WDPCP: variants seen among roughly 807,000 people sequenced by gnomAD.
WDPCP encodes the protein WD repeat-containing and planar cell polarity effector protein fritz homolog.
A neutral mutation model predicts 93.1 loss-of-function variants in WDPCP; 71 were observed. The observed-to-expected ratio is 0.76, with a 90% CI of 0.63 to 0.93. WDPCP has a LOEUF of 0.93. WDPCP is among the 40% of genes least tolerant of loss of function. The pLI is 0.00. For missense variants in WDPCP, 844 were observed against 887.4 expected (o/e 0.95, Z 0.62); for synonymous variants, 315 against 315.0 (o/e 1.00, Z 0.00).
At chr2:63,161,262 A>G (rs1238148757) in intron 15 of WDPCP, among the ~76,000 whole-genome samples, 1 of 152,218 alleles carries the variant, frequency 6.6e-6, no homozygotes, top group Non-Finnish European at 1.5e-5. Context: ...AGACAAAAGC[A>G]TCTATTATTT....
At chr2:63,642,934 TAGTATG>T (rs1350728558) in intron 3 of WDPCP, 1 of 152,216 alleles carries the variant, frequency 6.6e-6, no homozygotes, top group African/African-American at 2.4e-5. Context: ...TTTCCCCATT[TAGTATG>T]ATACTAGCTG....
chr2:63,343,649 C>T (rs1689002430), intron 12 of WDPCP, among the ~76,000 whole-genome samples: 1 of 152,010 alleles, frequency 6.6e-6, no homozygotes, highest in Non-Finnish European at 1.5e-5. Context: ...TTCTAGGGCT[C>T]CCATAATATA....
intron 2 of WDPCP, among the ~76,000 whole-genome samples, chr2:63,668,544 T>C (rs527291347): frequency 6.6e-6 from 1 of 152,268 alleles, no homozygotes; most frequent in Non-Finnish European, 1.5e-5. Context: ...TGACCAAAAG[T>C]GTGAAATTAT....
At chr2:63,152,295 C>T (rs1489704089) in intron 17 of WDPCP, among the ~76,000 whole-genome samples, 1 of 145,886 alleles carries the variant, frequency 6.9e-6, no homozygotes. Context: ...TTTTCTGTGA[C>T]ACAGAGTCTT....
intron 17 of WDPCP, among the ~76,000 whole-genome samples, chr2:63,142,267 G>A (rs1358067824): frequency 2.0e-5 from 3 of 152,082 alleles, no homozygotes; most frequent in Non-Finnish European, 4.4e-5. Context: ...TGATGTAGGT[G>A]CTTAGGGCTA....
intron 13 of WDPCP, among the ~76,000 whole-genome samples, chr2:63,294,893 G>A (rs1684726936): frequency 6.6e-6 from 1 of 151,990 alleles, no homozygotes; most frequent in South Asian, 2.1e-4. Flanking sequence ...TGTAACTTTG[G>A]TTGGTAATAC....
chr2:63,202,365 T>C (rs1217099009), intron 14 of WDPCP, among the ~76,000 whole-genome samples: 1 of 152,116 alleles, frequency 6.6e-6, no homozygotes, highest in Non-Finnish European at 1.5e-5. Flanking sequence ...TGAAGTTTCA[T>C]TTGTTGCCTA....
intron 14 of WDPCP, among the ~76,000 whole-genome samples, chr2:63,192,263 T>C (rs1299329791): frequency 6.6e-6 from 1 of 152,186 alleles, no homozygotes; most frequent in Non-Finnish European, 1.5e-5. Context: ...ATTTAATCTC[T>C]CTGAGCTTCT....
intron 2 of WDPCP, among the ~76,000 whole-genome samples, chr2:63,688,363 C>T (rs1225959935): frequency 6.6e-6 from 1 of 151,522 alleles, no homozygotes; most frequent in Non-Finnish European, 1.5e-5. Context: ...GGAGGCGGAG[C>T]TCGCAGTGAG....
intron 3 of WDPCP, among the ~76,000 whole-genome samples, chr2:63,637,457 ACAAT>A (rs1325523637): frequency 6.6e-6 from 1 of 151,960 alleles, no homozygotes; most frequent in Non-Finnish European, 1.5e-5. Context: ...AGCAAACTAA[ACAAT>A]CAACAAAATG....
At chr2:63,533,839 A>C (rs1437404113) in intron 1 of WDPCP, among the ~76,000 whole-genome samples, 2 of 152,190 alleles carry the variant, frequency 1.3e-5, no homozygotes, top group East Asian at 3.8e-4. Context: ...AGCTAGCAGA[A>C]GGCAAGAAAT....
chr2:63,596,938 T>C (rs1432272892), intron 3 of WDPCP, among the ~76,000 whole-genome samples: 1 of 152,228 alleles, frequency 6.6e-6, no homozygotes, highest in Non-Finnish European at 1.5e-5. Flanking sequence ...TTGATAGTAA[T>C]ATAAATCTCT....
chr2:63,344,673 C>T (rs1949411), intron 12 of WDPCP, among the ~76,000 whole-genome samples: 26,259 of 152,154 alleles, frequency 0.17, 2,390 homozygotes, highest in Middle Eastern at 0.24. Flanking sequence ...TTTTCTCAGA[C>T]ATATAGGTAT....
At chr2:63,405,298 T>C (rs11125968) in intron 9 of WDPCP, among the ~76,000 whole-genome samples, 41,107 of 151,976 alleles carry the variant, frequency 0.27, 6,309 homozygotes, top group East Asian at 0.65. Context: ...TAGAAAGAAA[T>C]AATGTAATGT....
chr2:63,684,215 G>T (rs1405599106), intron 2 of WDPCP: 1 of 390,130 alleles, frequency 2.6e-6, no homozygotes, highest in East Asian at 5.7e-5. Context: ...TAGGCCATAT[G>T]TTAGGTCACA....
chr2:63,384,016 A>C (rs896877126), intron 10 of WDPCP, among the ~76,000 whole-genome samples: 1 of 152,162 alleles, frequency 6.6e-6, no homozygotes, highest in African/African-American at 2.4e-5. Flanking sequence ...AAATATCAGT[A>C]ACAGAAAAAT....
chr2:63,575,507 ACT>A (rs1332663630), intron 1 of WDPCP, among the ~76,000 whole-genome samples: 2 of 95,594 alleles, frequency 2.1e-5, no homozygotes, highest in Non-Finnish European at 4.4e-5. Context: ...CAGTATATAC[ACT>A]GTATATATAG....
chr2:63,482,139 C>T (rs1700301566), intron 6 of WDPCP, among the ~76,000 whole-genome samples: 2 of 151,914 alleles, frequency 1.3e-5, no homozygotes, highest in African/African-American at 4.8e-5. Flanking sequence ...AGATTGCATC[C>T]TCTGAAATCT....
chr2:63,251,925 A>AACTC (rs1680760502), intron 14 of WDPCP, among the ~76,000 whole-genome samples: 4 of 152,096 alleles, frequency 2.6e-5, no homozygotes, highest in African/African-American at 9.7e-5. Flanking sequence ...ACTCCTTCAT[A>AACTC]ACTCATTCTA....
Sources: allele counts gnomAD v4.1 joint callset (sites outside exome capture counted in the v4.1 genomes callset), GRCh38; gene constraint gnomAD v4.1.1; transcripts MANE v1.5; gene names NCBI Gene and HGNC (gene_info 2026-07-23, HGNC 2026-07-21).